GNAZ: variants seen among roughly 807,000 people sequenced by gnomAD.
GNAZ encodes G protein subunit alpha z.
In GNAZ, 3 loss-of-function variants were observed where a neutral mutation model predicts 25.4. The ratio of observed to expected loss-of-function variants is 0.12; its 90% CI spans 0.05 to 0.30. The LOEUF (loss-of-function observed/expected upper bound fraction) is 0.30. GNAZ is among the 10% of genes least tolerant of loss of function. GNAZ has a pLI of 1.00. For missense variants in GNAZ, 241 were observed against 501.8 expected (o/e 0.48, Z 4.97); for synonymous variants, 211 against 205.7 (o/e 1.03, Z -0.22).
intron 2 of GNAZ, among the ~76,000 whole-genome samples, chr22:23,099,214 C>G (rs567713304): frequency 6.6e-6 from 1 of 152,254 alleles, no homozygotes; most frequent in Admixed American, 6.5e-5. Flanking sequence ...CTCTGGGCTC[C>G]CGGGTGTGAG....
chr22:23,120,810 A>G (rs2070000225), intron 2 of GNAZ, among the ~76,000 whole-genome samples: 1 of 152,140 alleles, frequency 6.6e-6, no homozygotes, highest in Non-Finnish European at 1.5e-5. Flanking sequence ...CTCAAGCTCC[A>G]TCACCTGGCA....
chr22:23,100,283 C>T (rs932277737), intron 2 of GNAZ, among the ~76,000 whole-genome samples: 1 of 152,264 alleles, frequency 6.6e-6, no homozygotes, highest in Non-Finnish European at 1.5e-5. Context: ...CTAGAGCTGG[C>T]AGGCAGCAGT....
intron 1 of GNAZ, among the ~76,000 whole-genome samples, chr22:23,084,837 C>T (rs2068774021): frequency 6.6e-6 from 1 of 152,226 alleles, no homozygotes. Flanking sequence ...TGGGCGTGGA[C>T]ACCAACCCTG....
intron 1 of GNAZ, among the ~76,000 whole-genome samples, chr22:23,078,097 TG>T (rs2068555821): frequency 6.6e-6 from 1 of 152,222 alleles, no homozygotes. Context: ...GGACCCCTGC[TG>T]GTGAGGGCGG....
At chr22:23,090,424 G>C (rs1015534519) in intron 1 of GNAZ, among the ~76,000 whole-genome samples, 1 of 152,122 alleles carries the variant, frequency 6.6e-6, no homozygotes, top group Non-Finnish European at 1.5e-5. Flanking sequence ...CTGGATGTTT[G>C]CATCCAGGAG....
At chr22:23,097,473 C>T (rs2069159355) in intron 2 of GNAZ, among the ~76,000 whole-genome samples, 1 of 152,230 alleles carries the variant, frequency 6.6e-6, no homozygotes, top group African/African-American at 2.4e-5. Context: ...CCTCAGGCAG[C>T]TGGGGAGGCG....
At chr22:23,113,615 T>C (rs2069722752) in intron 2 of GNAZ, among the ~76,000 whole-genome samples, 1 of 152,242 alleles carries the variant, frequency 6.6e-6, no homozygotes, top group Non-Finnish European at 1.5e-5. Context: ...GTGCCTTCCC[T>C]GTTCCACAGC....
intron 2 of GNAZ, among the ~76,000 whole-genome samples, chr22:23,097,972 A>G (rs922751652): frequency 6.6e-6 from 1 of 152,254 alleles, no homozygotes; most frequent in Non-Finnish European, 1.5e-5. Context: ...TGCTGGACAC[A>G]GGAGGCAGGA....
chr22:23,094,331 C>T (rs951138360), intron 1 of GNAZ, among the ~76,000 whole-genome samples: 1 of 152,052 alleles, frequency 6.6e-6, no homozygotes, highest in Non-Finnish European at 1.5e-5. Context: ...CTGGCCTAAG[C>T]ACCCGGCAAA....
chr22:23,104,759 G>A (rs1365236071), intron 2 of GNAZ, among the ~76,000 whole-genome samples: 1 of 152,200 alleles, frequency 6.6e-6, no homozygotes, highest in African/African-American at 2.4e-5. Flanking sequence ...CCATGAACAA[G>A]ACAAGCAGTG....
At chr22:23,101,158 A>C (rs898383696) in intron 2 of GNAZ, among the ~76,000 whole-genome samples, 10 of 152,186 alleles carry the variant, frequency 6.6e-5, no homozygotes, top group Non-Finnish European at 1.5e-4. Flanking sequence ...TAGATTGAGA[A>C]GGGACCTTAT....
chr22:23,122,962 T>A, intron 2 of GNAZ, 125 bp from the exon 3 acceptor site: 1 of 643,592 alleles, frequency 1.6e-6, no homozygotes, highest in Non-Finnish European at 2.7e-6. Flanking sequence ...CAGAAGGAGG[T>A]GCCATTGCAG....
chr22:23,121,940 C>T (rs908579968), intron 2 of GNAZ, among the ~76,000 whole-genome samples: 3 of 151,974 alleles, frequency 2.0e-5, no homozygotes, highest in Non-Finnish European at 4.4e-5. Flanking sequence ...ACTGTGTTGG[C>T]CAGGCTGGTC....
rs374785154 is a variant in GNAZ at position 23,110,863 on chromosome 22, G to A, written c.724-12224G>A. 2.0e-4 allele frequency among the ~76,000 whole-genome samples: 31 copies of A among 152,344 alleles called. 2 individuals carry two copies. In the South Asian group the frequency reaches 6.4e-3, roughly 32 times the overall value. On this transcript the variant is annotated intron_variant, in intron 2 of 2. Transcript: ENST00000615612. ...ACCCAAGGGCCCACCACACTCTGAG[G>A]CTGGCGAGCACACGGGGCAACTCAG...
At chr22:23,088,328 C>T (rs2068871592) in intron 1 of GNAZ, among the ~76,000 whole-genome samples, 1 of 152,228 alleles carries the variant, frequency 6.6e-6, no homozygotes, top group Non-Finnish European at 1.5e-5. Flanking sequence ...GCCTTACCCA[C>T]TCTGCCCCAC....
intron 1 of GNAZ, among the ~76,000 whole-genome samples, chr22:23,074,968 G>C (rs1043152773): frequency 1.1e-4 from 17 of 152,194 alleles, no homozygotes; most frequent in Admixed American, 1.1e-3. Context: ...AGGAGTTTGA[G>C]ACCAGCCTGA....
chr22:23,124,363 TA>T lies in GNAZ; in HGVS notation c.*936del, dbSNP rs2070117229. On this transcript the variant is annotated 3_prime_UTR_variant, in exon 3 of 3. Transcript: ENST00000615612. ...TTTTTTGTGTCTGGCTTGCTGAGTG[TA>T]AAAGTTGTTATCTGGACGATCTGTC... The T allele has an allele frequency of 2.2e-6, 1 of 460,240 alleles. No individual in the cohort carries two copies. The highest frequency in any genetic ancestry group is 4.5e-6 in the Non-Finnish European group (1 of 220,404). The allele number at this position is 460,240 out of a possible 1,614,324, so 28.5% of individuals were successfully genotyped here.
chr22:23,105,522 G>A (rs2069442415), intron 2 of GNAZ, among the ~76,000 whole-genome samples: 1 of 152,228 alleles, frequency 6.6e-6, no homozygotes, highest in Admixed American at 6.5e-5. Context: ...AGTGCCAGCG[G>A]CTAGGAGTGC....
rs998519344 is a variant in GNAZ at position 23,124,415 on chromosome 22, T to C, written c.*984T>C. 8 of 469,822 alleles carry C rather than the reference T, an allele frequency of 1.7e-5. No individual in the cohort carries two copies. Among genetic ancestry groups the C allele is most frequent in the Non-Finnish European group, 2.7e-5 (6 of 226,260 alleles). 29.1% of individuals were successfully genotyped at this position (469,822 alleles called of 1,614,324 possible). On this transcript the variant is annotated 3_prime_UTR_variant, in exon 3 of 3. Transcript: ENST00000615612. ...TCTCTGCTCCAAAGAAATTTTGGAG[T>C]GAGTGGCAGTCCTGCGCCAGCCTCG... is the stretch of plus-strand genomic sequence containing the variant.
Sources: allele counts gnomAD v4.1 joint callset (sites outside exome capture counted in the v4.1 genomes callset), GRCh38; gene constraint gnomAD v4.1.1; transcripts MANE v1.5; gene names NCBI Gene and HGNC (gene_info 2026-07-23, HGNC 2026-07-21).